Variants in OTOG observed in about 807,000 individuals in gnomAD.
The protein encoded by OTOG is otogelin.
In OTOG, 296 loss-of-function variants were observed where a neutral mutation model predicts 313.8. The ratio of observed to expected loss-of-function variants is 0.94; its 90% CI spans 0.86 to 1.04. OTOG has a LOEUF of 1.04. Among genes scored for constraint, OTOG ranks in the 50% least tolerant of loss-of-function variants. The pLI is 0.00. For missense variants in OTOG, 3,948 were observed against 3,840.1 expected, an observed-to-expected ratio of 1.03 and a Z score of -0.74; for synonymous variants, 1,533 against 1,554.9, an observed-to-expected ratio of 0.99 and a Z score of 0.33.
chr11:17,597,036 GA>G, intron 30 of OTOG, 29 bp downstream of exon 30: 1 of 1,547,652 alleles, frequency 6.5e-7, no homozygotes, highest in Non-Finnish European at 8.7e-7. Context: ...CACCTGAGGG[GA>G]CAGAGTAGAG....
chr11:17,574,184 T>C (rs1300215870), intron 19 of OTOG, among the ~76,000 whole-genome samples: 1 of 150,786 alleles, frequency 6.6e-6, no homozygotes, highest in Admixed American at 6.6e-5. Flanking sequence ...CTGGGGGGAG[T>C]GGGATGCTGG....
chr11:17,599,648 A>G (rs1305330488), intron 30 of OTOG, 23 bp from the exon 31 acceptor site: 3 of 1,550,560 alleles, frequency 1.9e-6, no homozygotes, highest in Non-Finnish European at 8.7e-7. Flanking sequence ...GCTCTCAGGA[A>G]GTTCCTGTTC....
At chr11:17,596,436 A>G (rs1853110703) in intron 29 of OTOG, among the ~76,000 whole-genome samples, 1 of 152,218 alleles carries the variant, frequency 6.6e-6, no homozygotes, top group South Asian at 2.1e-4. Context: ...GGTGGACCCA[A>G]AGCCCTCATG....
chr11:17,551,557 G>T (rs867542208), intron 3 of OTOG, among the ~76,000 whole-genome samples: 4 of 152,186 alleles, frequency 2.6e-5, no homozygotes, highest in South Asian at 4.2e-4. Flanking sequence ...GGCTGTGGGG[G>T]TGAGATGTTC....
chr11:17,634,182 C>A lies in OTOG; in HGVS notation c.7381C>A (p.Leu2461Met). 6.5e-7 allele frequency: 1 copy of A among 1,550,352 alleles called. No homozygotes were observed. The highest frequency in any genetic ancestry group is 8.7e-7 in the Non-Finnish European group (1 of 1,146,954). ...QAPDTIVPVDLGCPSPRPESC... is the reference protein window; with the variant it reads ...QAPDTIVPVDMGCPSPRPESC... ...CCCAGACACCATTGTCCCGGTGGATCTGGGCTGCCCCAGTCCCCGCCCTGA... is the reference window on the plus strand; with the variant it reads ...CCCAGACACCATTGTCCCGGTGGATATGGGCTGCCCCAGTCCCCGCCCTGA... Residue 2461 changes from leucine to methionine, a missense_variant, in exon 44 of 56, where the codon CTG becomes ATG. Transcript: ENST00000399397.
chr11:17,634,259 C>A lies in OTOG; in HGVS notation c.7458C>A (p.Pro2486=), dbSNP rs1182291253. Residue 2486 remains proline (P), a synonymous_variant, in exon 44 of 56, where the codon CCC becomes CCA. Coordinates refer to ENST00000399397, the MANE Select transcript of OTOG (RefSeq NM_001292063.2). The stretch of plus-strand genomic sequence containing the variant: ...CCTTGCTCCTACCCACCAAGGACCC[C>A]TGCTGCCTGGGGACTGTCTGTGGTG... ...EVALLLPTKD[P]CCLGTVCVCN... The A allele has an allele frequency of 6.5e-7, 1 of 1,550,340 alleles. No individual in the cohort carries two copies. The highest frequency in any genetic ancestry group is 2.0e-5 in the Admixed American group (1 of 50,990).
At chr11:17,605,157 A>G (rs1218605215) in intron 32 of OTOG, among the ~76,000 whole-genome samples, 1 of 152,204 alleles carries the variant, frequency 6.6e-6, no homozygotes, top group Non-Finnish European at 1.5e-5. Context: ...CTGCTTGTGG[A>G]TTTGGGACTT....
chr11:17,555,998 C>A, intron 7 of OTOG, 101 bp downstream of exon 7: 1 of 948,694 alleles, frequency 1.1e-6, no homozygotes, highest in Non-Finnish European at 1.6e-6. Flanking sequence ...AAATTGTTTT[C>A]TGGGGACAAA....
At chr11:17,596,235 G>A (rs955694786) in intron 29 of OTOG, 81 bp downstream of exon 29, 5 of 1,024,424 alleles carry the variant, frequency 4.9e-6, no homozygotes, top group Non-Finnish European at 7.4e-6. Flanking sequence ...ACTCCCCCAT[G>A]TCTCAGAGGA....
At position 17,631,676 on chromosome 11, in the gene OTOG, T is replaced by A. The variant is rs199713176; in HGVS notation, c.6713-26T>A. 1,295 of 1,528,142 alleles carry A rather than the reference T, an allele frequency of 8.5e-4. 16 individuals are homozygous for A. In the South Asian group the frequency reaches 0.011, roughly 13 times the overall value. 94.7% of individuals were successfully genotyped at this position (1,528,142 alleles called of 1,614,324 possible). A position where few individuals can be genotyped will look rare whatever the true frequency, so the allele number is the denominator to read the frequency against. ...TGGGAGTGGTAGTGATGATCGTGGCTGTTGGGATTGTTTGGCCCCTTTCAG... is the reference window on the plus strand; with the variant it reads ...TGGGAGTGGTAGTGATGATCGTGGCAGTTGGGATTGTTTGGCCCCTTTCAG... On this transcript the variant is annotated intron_variant, in intron 40 of 55. Transcript: ENST00000399397.
At position 17,635,155 on chromosome 11, in the gene OTOG, T is replaced by TG; in HGVS notation, c.7666dup (p.Asp2556GlyfsTer13). 1.3e-6 allele frequency: 2 copies of TG among 1,546,622 alleles called. No individual in the cohort carries two copies. Among genetic ancestry groups the TG allele is most frequent in the Non-Finnish European group, 1.7e-6 (2 of 1,146,096 alleles). ...GACCAGATCCTGATCACGGGCCGCCTGGGGGACTCCTGCTGCACCTCCTAC... is the reference window on the plus strand; with the variant it reads ...GACCAGATCCTGATCACGGGCCGCCTGGGGGGACTCCTGCTGCACCTCCTAC... On this transcript the variant is annotated frameshift_variant, in exon 46 of 56. Coordinates refer to ENST00000399397, the MANE Select transcript of OTOG (RefSeq NM_001292063.2). LOFTEE classifies it high-confidence loss of function.
At position 17,611,203 on chromosome 11, in the gene OTOG, G is replaced by A. The variant is rs925288228; in HGVS notation, c.5903G>A (p.Arg1968His). ...GTGCCCACATCCTATGCCCTGAGCC[G>A]TGTCTCAGCCAGGACGGCCCCCCAA... ...LPVPTSYALSRVSARTAPQDS... is the reference protein window; with the variant it reads ...LPVPTSYALSHVSARTAPQDS... The change falls in exon 36 of 56, where the codon CGT becomes CAT. Residue 1968 changes from arginine (R) to histidine (H), a missense_variant. Coordinates refer to ENST00000399397, the MANE Select transcript of OTOG (RefSeq NM_001292063.2). 14 of 1,550,388 alleles carry A rather than the reference G, an allele frequency of 9.0e-6. No homozygotes were observed. The highest frequency in any genetic ancestry group is 2.4e-5 in the South Asian group (2 of 84,056).
chr11:17,576,844 C>T (rs905502237), intron 21 of OTOG, 24 bp from the exon 22 acceptor site: 97 of 1,549,856 alleles, frequency 6.3e-5, no homozygotes, highest in Non-Finnish European at 7.9e-5. Flanking sequence ...GTCGGCTAAC[C>T]CCAGGGCCCG....
In OTOG at chr11:17,638,869, G is replaced by A. The variant is rs551516999; in HGVS notation, c.7894+320G>A. On this transcript the variant is annotated intron_variant, in intron 48 of 55. Coordinates refer to ENST00000399397, the MANE Select transcript of OTOG (RefSeq NM_001292063.2). The stretch of plus-strand genomic sequence containing the variant: ...TCCCAGCACTTTGAGAGGCCAAGGC[G>A]GGTGGATCATGAGGTCAGGAGTTCA... 23 of 1,138,554 alleles carry A rather than the reference G, an allele frequency of 2.0e-5. No homozygotes were observed. The East Asian group carries it at 6.9e-4, about 34-fold the overall frequency. The allele number at this position is 1,138,554 out of a possible 1,614,324, so 70.5% of individuals were successfully genotyped here. A position where few individuals can be genotyped will look rare whatever the true frequency, so the allele number is the denominator to read the frequency against.
Position 17,612,162 on chromosome 11 carries a change from C to G in OTOG, c.6124C>G (p.Pro2042Ala), listed in dbSNP as rs757250039. 1.3e-6 allele frequency: 2 copies of G among 1,549,308 alleles called. No homozygotes were observed. Among genetic ancestry groups the G allele is most frequent in the South Asian group, 2.4e-5 (2 of 84,064 alleles). The change falls in exon 37 of 56, where the codon CCA becomes GCA. Residue 2042 changes from proline to alanine, a missense_variant and splice_region_variant. Pro to Ala is a conservative substitution (Grantham distance 27). Coordinates refer to ENST00000399397, the MANE Select transcript of OTOG (RefSeq NM_001292063.2). ...CACACTTCCTCCACTCTGTACCCAG[C>G]CAATCGCCGAGCAGGACTGCGTCCG... The part of the protein sequence containing the change: ...TEANTSTTCV[P>A]IAEQDCVRHI...
chr11:17,553,223 C>A lies in OTOG; in HGVS notation c.385+12C>A. On this transcript the variant is annotated intron_variant, in intron 5 of 55. Transcript: ENST00000399397. ...GCGCTGCCAGATGGGTGGGTCTGGG[C>A]TCCACCCCACCCCCAGGAAGGGACC... The A allele has an allele frequency of 1.3e-6, 2 of 1,549,706 alleles. No individual in the cohort carries two copies. The highest frequency in any genetic ancestry group is 1.7e-6 in the Non-Finnish European group (2 of 1,146,450).
At position 17,611,121 on chromosome 11, in the gene OTOG, C is replaced by G; in HGVS notation, c.5821C>G (p.Pro1941Ala). The change falls in exon 36 of 56, where the codon CCT (proline) becomes GCT (alanine). Residue 1941 changes from proline to alanine, a missense_variant. By Grantham distance (27) the Pro-to-Ala change is conservative. Transcript: ENST00000399397. ...AGAGCTCACGCCTGCTACGAGCCAC[C>G]CTCTCACGCCCTTGGTGGCTGAGCC... ...PTELTPATSHPLTPLVAEPEG... is the reference protein window; with the variant it reads ...PTELTPATSHALTPLVAEPEG... The G allele has an allele frequency of 6.4e-7, 1 of 1,550,544 alleles. No homozygotes were observed. The highest frequency in any genetic ancestry group is 8.7e-7 in the Non-Finnish European group (1 of 1,146,948).
At chr11:17,617,706 A>G (rs1853757185) in intron 39 of OTOG, among the ~76,000 whole-genome samples, 1 of 152,242 alleles carries the variant, frequency 6.6e-6, no homozygotes, top group South Asian at 2.1e-4. Context: ...TTCCCTGACT[A>G]GCCTGGCTAG....
chr11:17,548,067 A>C (rs1332203744), intron 2 of OTOG, 80 bp downstream of exon 2: 5 of 1,396,528 alleles, frequency 3.6e-6, no homozygotes, highest in Non-Finnish European at 4.8e-6. Flanking sequence ...GGGCTTTAGC[A>C]CTTAGGGTGG....
Sources: allele counts gnomAD v4.1 joint callset (sites outside exome capture counted in the v4.1 genomes callset), GRCh38; gene constraint gnomAD v4.1.1; transcripts MANE v1.5; gene names NCBI Gene and HGNC (gene_info 2026-07-23, HGNC 2026-07-21).